RCAN1: variants seen among roughly 807,000 people sequenced by gnomAD.
RCAN1 encodes the protein calcipressin-1.
In RCAN1, 11 loss-of-function variants were observed where a neutral mutation model predicts 22.9. That is an observed-to-expected ratio of 0.48 (90% CI 0.30 to 0.79). The LOEUF (loss-of-function observed/expected upper bound fraction) is 0.79. RCAN1 is among the 30% of genes least tolerant of loss of function. The pLI is 0.06. For synonymous variants in RCAN1, 136 were observed against 142.3 expected (o/e 0.96, Z 0.32); for missense variants, 291 against 337.8 (o/e 0.86, Z 1.09).
chr21:34,518,229 G>T lies in RCAN1; in HGVS notation c.614C>A (p.Thr205Asn). 6.2e-7 allele frequency: 1 copy of T among 1,614,172 alleles called. No homozygotes were observed. Residue 205 changes from threonine to asparagine, a missense_variant, in exon 4 of 4, where the codon ACT becomes AAT. Coordinates refer to ENST00000313806, the MANE Select transcript of RCAN1 (RefSeq NM_004414.7). This position sits in a 1 kb window ranked among gnomAD's most constrained non-coding sequence, Gnocchi z 4.2. The part of the protein sequence containing the change: ...PGEKYELHAA[T>N]DTTPSVVVHV... ...GACCACCACGCTGGGAGTGGTGTCA[G>T]TCGCTGCGTGCAATTCATACTTTTC...
At chr21:34,589,304 T>A (rs1987897996) in intron 1 of RCAN1, among the ~76,000 whole-genome samples, 2 of 152,264 alleles carry the variant, frequency 1.3e-5, no homozygotes, top group East Asian at 3.9e-4. Flanking sequence ...CCCACTGCTT[T>A]TCATTAGGCT....
chr21:34,529,994 C>T (rs1362217625), intron 1 of RCAN1, among the ~76,000 whole-genome samples: 4 of 152,180 alleles, frequency 2.6e-5, no homozygotes, highest in Admixed American at 6.5e-5. Flanking sequence ...CACCTCCCGC[C>T]GTGATTCTGA....
chr21:34,597,973 A>G (rs537281117), intron 1 of RCAN1, among the ~76,000 whole-genome samples: 6 of 152,216 alleles, frequency 3.9e-5, no homozygotes, highest in Admixed American at 1.3e-4. Context: ...AAACATAAAT[A>G]CAAATTAAAG....
intron 1 of RCAN1, among the ~76,000 whole-genome samples, chr21:34,573,662 G>C (rs1187556815): frequency 6.6e-6 from 1 of 152,166 alleles, no homozygotes; most frequent in South Asian, 2.1e-4. Context: ...CGAGTTCACT[G>C]CTCCCCTGTG....
chr21:34,591,897 G>A (rs1178726445), intron 1 of RCAN1, among the ~76,000 whole-genome samples: 1 of 152,186 alleles, frequency 6.6e-6, no homozygotes, highest in East Asian at 1.9e-4. Context: ...CCATCAAGAC[G>A]TGTTCCCCAA....
chr21:34,530,395 T>C (rs1189546218), intron 1 of RCAN1, among the ~76,000 whole-genome samples: 2 of 152,160 alleles, frequency 1.3e-5, no homozygotes, highest in Non-Finnish European at 2.9e-5. Flanking sequence ...ATCATTAGGA[T>C]GACTTCAGCA....
At position 34,518,070 on chromosome 21, in the gene RCAN1, C is replaced by T. The variant is rs373976414; in HGVS notation, c.*14G>A. 33 of 1,613,712 alleles carry T rather than the reference C, an allele frequency of 2.0e-5. No individual in the cohort carries two copies. In the South Asian group the frequency reaches 2.4e-4, roughly 12 times the overall value. The stretch of plus-strand genomic sequence containing the variant: ...GTGAGTATGATTTGGAATGCGTCCT[C>T]GTCGCGTGCCAGTTCAGCTGAGGTG... On this transcript the variant is annotated 3_prime_UTR_variant, in exon 4 of 4. Coordinates refer to ENST00000313806, the MANE Select transcript of RCAN1 (RefSeq NM_004414.7). The surrounding 1 kb of genome is among the most constrained non-coding windows in gnomAD (Gnocchi z 4.2).
At position 34,558,688 on chromosome 21, in the gene RCAN1, C is replaced by T. The variant is rs140981433; in HGVS notation, c.253-34978G>A. On this transcript the variant is annotated intron_variant, in intron 1 of 3. Transcript: ENST00000313806. ...AGTTTTACTCTGGTTTTTCAAGGAACCACGGCATCTTCAAAAGGACACTGG... is the reference window on the plus strand; with the variant it reads ...AGTTTTACTCTGGTTTTTCAAGGAATCACGGCATCTTCAAAAGGACACTGG... Among the ~76,000 whole-genome samples the T allele has an allele frequency of 2.5e-3, 375 of 152,348 alleles. 2 individuals are homozygous for T. Among genetic ancestry groups the T allele is most frequent in the African/African-American group, 8.8e-3 (364 of 41,572 alleles).
chr21:34,521,355 T>C, intron 3 of RCAN1, 144 bp downstream of exon 3: 1 of 1,525,462 alleles, frequency 6.6e-7, no homozygotes, highest in Non-Finnish European at 8.8e-7. Context: ...CAAGGGACGG[T>C]GGCGCAGAAG....
intron 1 of RCAN1, among the ~76,000 whole-genome samples, chr21:34,555,425 A>G (rs1390246710): frequency 1.3e-5 from 2 of 152,116 alleles, no homozygotes; most frequent in East Asian, 3.9e-4. Flanking sequence ...AAATGATCCC[A>G]TGATTGGCAG....
intron 1 of RCAN1, among the ~76,000 whole-genome samples, chr21:34,548,845 C>T (rs896970629): frequency 6.6e-6 from 1 of 152,158 alleles, no homozygotes; most frequent in Non-Finnish European, 1.5e-5. Flanking sequence ...CTTCTAAGTT[C>T]TATTGTAAAC....
At chr21:34,543,938 G>A (rs1242253366) in intron 1 of RCAN1, among the ~76,000 whole-genome samples, 2 of 152,230 alleles carry the variant, frequency 1.3e-5, no homozygotes, top group Admixed American at 6.5e-5. Context: ...CAGTGCCCAC[G>A]AGGTACCAGT....
chr21:34,586,389 A>T (rs905700942), intron 1 of RCAN1, among the ~76,000 whole-genome samples: 5 of 51,720 alleles, frequency 9.7e-5, no homozygotes, highest in Non-Finnish European at 2.0e-4. Flanking sequence ...CAATAACATT[A>T]AAAAAAAAAC....
At chr21:34,576,891 T>C (rs1435982838) in intron 1 of RCAN1, among the ~76,000 whole-genome samples, 2 of 152,246 alleles carry the variant, frequency 1.3e-5, no homozygotes, top group African/African-American at 2.4e-5. Context: ...CAAACATGTA[T>C]TGATCACATA....
intron 1 of RCAN1, among the ~76,000 whole-genome samples, chr21:34,528,119 AT>A (rs1985179088): frequency 6.6e-6 from 1 of 152,182 alleles, no homozygotes; most frequent in Non-Finnish European, 1.5e-5. Flanking sequence ...GCATTCTCTG[AT>A]TTAGGGGCAC....
intron 3 of RCAN1, chr21:34,521,227 C>A: frequency 7.0e-7 from 1 of 1,423,576 alleles, no homozygotes; most frequent in Non-Finnish European, 9.2e-7. Context: ...TCAGTGGACA[C>A]AGGAATGGAT....
intron 1 of RCAN1, among the ~76,000 whole-genome samples, chr21:34,561,771 C>A (rs1240647403): frequency 6.6e-6 from 1 of 152,164 alleles, no homozygotes; most frequent in African/African-American, 2.4e-5. Context: ...TAACTCAAGA[C>A]CTGAATTTTA....
In RCAN1 at chr21:34,571,501, C is replaced by A. The variant is rs549893557; in HGVS notation, c.252+43259G>T. Among the ~76,000 whole-genome samples, 3 of 152,248 alleles carry A rather than the reference C, an allele frequency of 2.0e-5. No individual in the cohort carries two copies. The East Asian group carries it at 5.8e-4, about 29-fold the overall frequency. On this transcript the variant is annotated intron_variant, in intron 1 of 3. Transcript: ENST00000313806. ...TTAATGTATTTTTAATTAAAGAGAG[C>A]AAATTTCCCTAACAGTGTCAATCAG...
At chr21:34,602,577 C>T (rs1428280180) in intron 1 of RCAN1, among the ~76,000 whole-genome samples, 1 of 152,106 alleles carries the variant, frequency 6.6e-6, no homozygotes, top group African/African-American at 2.4e-5. Flanking sequence ...CGGACCAGAC[C>T]ACCTGAGATC....
Sources: allele counts gnomAD v4.1 joint callset (sites outside exome capture counted in the v4.1 genomes callset), GRCh38; gene constraint gnomAD v4.1.1; non-coding constraint Gnocchi (gnomAD v3.1); transcripts MANE v1.5; gene names NCBI Gene and HGNC (gene_info 2026-07-23, HGNC 2026-07-21).